The following SNCAIP variants were observed in gnomAD, a reference collection of about 807,000 sequenced individuals.
SNCAIP encodes the protein synuclein alpha interacting protein, also known as synphilin-1.
SNCAIP carries 43 observed loss-of-function variants against 86.7 expected under a neutral mutation model. The ratio of observed to expected loss-of-function variants is 0.50; its 90% confidence interval spans 0.39 to 0.64. The LOEUF is 0.64. SNCAIP is among the 30% of genes least tolerant of loss of function. The pLI is 0.00. For missense variants in SNCAIP, 981 were observed against 1,103.1 expected, an observed-to-expected ratio of 0.89 and a Z score of 1.57; for synonymous variants, 417 against 427.2, an observed-to-expected ratio of 0.98 and a Z score of 0.29.
intron 1 of SNCAIP, among the ~76,000 whole-genome samples, chr5:122,385,681 G>A (rs1285471004): frequency 8.7e-6 from 1 of 115,046 alleles, no homozygotes; most frequent in Non-Finnish European, 1.9e-5. Context: ...GTATGTGTGT[G>A]TGTGTGTGTG....
intron 10 of SNCAIP, among the ~76,000 whole-genome samples, chr5:122,455,688 G>A (rs1784601586): frequency 1.3e-5 from 2 of 152,042 alleles, no homozygotes; most frequent in South Asian, 2.1e-4. Flanking sequence ...TTCTGATAAA[G>A]GAAAAATAGG....
At chr5:122,354,646 A>G (rs1347827435) in intron 1 of SNCAIP, among the ~76,000 whole-genome samples, 2 of 152,184 alleles carry the variant, frequency 1.3e-5, no homozygotes. Context: ...AATCATGTTA[A>G]TATTATGTGA....
rs866559348 is a variant in SNCAIP at position 122,394,027 on chromosome 5, G to A, written c.57+2836G>A. On this transcript the variant is annotated intron_variant, in intron 2 of 10. Coordinates refer to ENST00000261368, the MANE Select transcript of SNCAIP (RefSeq NM_005460.4). The stretch of plus-strand genomic sequence containing the variant: ...GCTAAAAATGAAAAAATGAAGATGT[G>A]TTCAACGTGCTAATTCACTGGCATA... Among the ~76,000 whole-genome samples the A allele has an allele frequency of 2.0e-5, 3 of 151,822 alleles. No individual in the cohort carries two copies. The South Asian group carries it at 6.3e-4, about 32-fold the overall frequency.
At chr5:122,385,673 ATGTGTGTGTGTGTGTGTGTG>A (rs371793989) in intron 1 of SNCAIP, among the ~76,000 whole-genome samples, 3 of 138,426 alleles carry the variant, frequency 2.2e-5, no homozygotes, top group East Asian at 4.3e-4. Flanking sequence ...GTGCGCACGT[ATGTGTGTGTGTGTGTGTGTG>A]TGTGTGTGTG....
rs536468779 is a variant in SNCAIP, at chr5:122,450,995, C to T, written c.2148C>T (p.Ser716=). 16 of 1,614,124 alleles carry T rather than the reference C, an allele frequency of 9.9e-6. No individual in the cohort carries two copies. In the East Asian group the frequency reaches 1.6e-4, roughly 16 times the overall value. ...TAGAGAGTATGGACAGCGCAGAAAG[C>T]CTGCACCTGATGATTAAGAAACACA... ...ESVESMDSAE[S]LHLMIKKHTL... is the part of the protein sequence containing the mutation. Residue 716 remains serine, a synonymous_variant, in exon 10 of 11, where the codon AGC becomes AGT. Transcript: ENST00000261368.
chr5:122,433,945 C>T (rs1031965476), intron 6 of SNCAIP, among the ~76,000 whole-genome samples: 2 of 152,134 alleles, frequency 1.3e-5, no homozygotes, highest in Admixed American at 6.5e-5. Flanking sequence ...CCAACAGCCA[C>T]GTGATCACAA....
At chr5:122,346,364 CT>C (rs1204053572) in intron 1 of SNCAIP, among the ~76,000 whole-genome samples, 1 of 151,904 alleles carries the variant, frequency 6.6e-6, no homozygotes, top group East Asian at 1.9e-4. Flanking sequence ...CTCTTGGGGA[CT>C]TTTTTAAAAA....
intron 1 of SNCAIP, among the ~76,000 whole-genome samples, chr5:122,330,113 A>ATTTTTTTT (rs1387266417): frequency 2.5e-5 from 3 of 120,358 alleles, no homozygotes; most frequent in African/African-American, 7.8e-5. Flanking sequence ...GTACAACTTC[A>ATTTTTTTT]TTTCTTTTTT....
At chr5:122,453,852 C>T (rs556162131) in intron 10 of SNCAIP, among the ~76,000 whole-genome samples, 4 of 151,762 alleles carry the variant, frequency 2.6e-5, no homozygotes, top group Admixed American at 2.0e-4. Context: ...CTCTGCCTCC[C>T]GGGTTCAAGT....
chr5:122,331,051 C>T (rs1202418955), intron 1 of SNCAIP, among the ~76,000 whole-genome samples: 1 of 152,126 alleles, frequency 6.6e-6, no homozygotes, highest in African/African-American at 2.4e-5. Context: ...TCTAATGCCA[C>T]TGCTGATCTG....
At chr5:122,316,801 C>G (rs141393990) in intron 1 of SNCAIP, among the ~76,000 whole-genome samples, 7 of 152,282 alleles carry the variant, frequency 4.6e-5, no homozygotes, top group Non-Finnish European at 8.8e-5. Context: ...ATTTTATGGC[C>G]AGACTGAAAT....
At chr5:122,383,928 A>T (rs759328330) in intron 1 of SNCAIP, among the ~76,000 whole-genome samples, 1 of 152,224 alleles carries the variant, frequency 6.6e-6, no homozygotes, top group East Asian at 1.9e-4. Context: ...ATGTTGTCTT[A>T]TAGACTAGTT....
At chr5:122,352,231 C>A (rs2278461) in intron 1 of SNCAIP, among the ~76,000 whole-genome samples, 34,384 of 152,032 alleles carry the variant, frequency 0.23, 5,344 homozygotes, top group African/African-American at 0.44. Context: ...CACTGCTTGC[C>A]TAAAAGTCTC....
chr5:122,315,479 T>A (rs147085832), intron 1 of SNCAIP, among the ~76,000 whole-genome samples: 1 of 152,294 alleles, frequency 6.6e-6, no homozygotes, highest in East Asian at 1.9e-4. Context: ...TACCCCAGAT[T>A]CAAGGGGTAT....
chr5:122,346,875 A>G (rs1758715540), intron 1 of SNCAIP, among the ~76,000 whole-genome samples: 1 of 151,796 alleles, frequency 6.6e-6, no homozygotes, highest in Non-Finnish European at 1.5e-5. Context: ...AGCCACATAA[A>G]AGTAATAATT....
In SNCAIP at chr5:122,351,833, AGCT is replaced by A. The variant is rs201196502; in HGVS notation, c.-46-39254_-46-39252del. Among the ~76,000 whole-genome samples the A allele has an allele frequency of 7.4e-3, 1,133 of 152,236 alleles. 27 individuals are homozygous for A. Among genetic ancestry groups the A allele is most frequent in the Admixed American group, 0.032 (491 of 15,270 alleles). ...CAAATGAGTTTGTATACAGTATTTC[AGCT>A]GTATGTCAGGAGACCAGATGATGGC... On this transcript the variant is annotated intron_variant, in intron 1 of 10. Transcript: ENST00000261368.
intron 1 of SNCAIP, among the ~76,000 whole-genome samples, chr5:122,355,419 T>G (rs906568116): frequency 3.4e-4 from 52 of 152,170 alleles, no homozygotes; most frequent in African/African-American, 1.2e-3. Flanking sequence ...TGGTACATAA[T>G]GAACCCCCAT....
At chr5:122,426,845 C>T (rs749694784) in intron 5 of SNCAIP, among the ~76,000 whole-genome samples, 12 of 152,282 alleles carry the variant, frequency 7.9e-5, no homozygotes, top group Non-Finnish European at 1.8e-4. Flanking sequence ...TTGAGCTTAA[C>T]AAAGTGTACC....
intron 3 of SNCAIP, among the ~76,000 whole-genome samples, chr5:122,412,502 C>T (rs1345093897): frequency 6.6e-6 from 1 of 152,158 alleles, no homozygotes; most frequent in Non-Finnish European, 1.5e-5. Context: ...CCTCATTTTT[C>T]TCCTAACACT....
Sources: allele counts gnomAD v4.1 joint callset (sites outside exome capture counted in the v4.1 genomes callset), GRCh38; gene constraint gnomAD v4.1.1; transcripts MANE v1.5; gene names NCBI Gene and HGNC (gene_info 2026-07-23, HGNC 2026-07-21).